The following USP54 variants were observed in gnomAD, a reference collection of about 807,000 sequenced individuals.
The protein encoded by USP54 is ubiquitin carboxyl-terminal hydrolase 54.
A neutral mutation model predicts 170.5 loss-of-function variants in USP54; 87 were observed. The observed-to-expected ratio is 0.51, with a 90% CI of 0.43 to 0.61. The LOEUF (loss-of-function observed/expected upper bound fraction) is 0.61. USP54 is among the 20% of genes least tolerant of loss of function. USP54 has a pLI of 0.00. For synonymous variants in USP54, 655 were observed against 742.8 expected (o/e 0.88, Z 1.92); for missense variants, 1,786 against 2,047.8 (o/e 0.87, Z 2.47).
Position 73,504,852 on chromosome 10 carries a change from A to T in USP54, c.4309T>A (p.Phe1437Ile), listed in dbSNP as rs547582379. The T allele has an allele frequency of 1.1e-5, 18 of 1,614,132 alleles. 1 individual carries two copies. The South Asian group carries it at 1.8e-4, about 16-fold the overall frequency. ...AGATGGACCCTGATTCTACTTACAA[A>T]ACTGTGGGAAGAAACCGGAGCTTCC... ...REEAPVSSHS[F>I]DSSNVRKPLE... Residue 1437 changes from phenylalanine (F) to isoleucine (I), a missense_variant and splice_region_variant, in exon 22 of 24, where the codon TTT (phenylalanine) becomes ATT (isoleucine). Phe to Ile is a conservative substitution (Grantham distance 21, BLOSUM62 0). Transcript: ENST00000687698.
upstream of USP54, among the ~76,000 whole-genome samples, chr10:73,595,494 C>G (rs1291880936): frequency 2.7e-5 from 4 of 150,482 alleles, no homozygotes; most frequent in Non-Finnish European, 2.9e-5. Context: ...GGCTGTTAAT[C>G]ACAGACCTGA....
chr10:73,536,218 T>C (rs2065183898), intron 11 of USP54, 51 bp downstream of exon 11: 2 of 1,600,626 alleles, frequency 1.2e-6, no homozygotes, highest in South Asian at 1.1e-5. Context: ...TCCCAACTGT[T>C]TGATCGCATG....
At chr10:73,543,511 C>A (rs184080778) in intron 5 of USP54, among the ~76,000 whole-genome samples, 2 of 151,610 alleles carry the variant, frequency 1.3e-5, no homozygotes, top group Non-Finnish European at 2.9e-5. Context: ...GGACTACAGG[C>A]GCCCGCCACC....
intron 1 of USP54, among the ~76,000 whole-genome samples, chr10:73,585,470 G>A (rs1246224002): frequency 1.3e-5 from 2 of 152,166 alleles, no homozygotes; most frequent in Non-Finnish European, 2.9e-5. Flanking sequence ...CACATGGCGA[G>A]AGAGACAAGG....
Position 73,555,336 on chromosome 10 carries a change from A to G in USP54, c.241-9664T>C, listed in dbSNP as rs1773118570. The stretch of plus-strand genomic sequence containing the variant: ...TACCAGTCTCTTTAAATTAAAGTCA[A>G]TTATCAATACCATATCACCTCATAA... On this transcript the variant is annotated intron_variant, in intron 4 of 23. Coordinates refer to ENST00000687698, the MANE Select transcript of USP54 (RefSeq NM_001391956.1). Among the ~76,000 whole-genome samples the G allele has an allele frequency of 1.3e-5, 2 of 152,320 alleles. 1 individual carries two copies. The highest frequency in any genetic ancestry group is 4.2e-4 in the South Asian group (2 of 4,818).
chr10:73,610,537 T>A (rs573378541), intron 1 of USP54, among the ~76,000 whole-genome samples: 1 of 151,992 alleles, frequency 6.6e-6, no homozygotes, highest in African/African-American at 2.4e-5. Context: ...AGTGGGAGAA[T>A]CGCTTGAACC....
At chr10:73,592,747 C>T (rs2078370739), upstream of USP54, among the ~76,000 whole-genome samples, 1 of 152,154 alleles carries the variant, frequency 6.6e-6, no homozygotes, top group Non-Finnish European at 1.5e-5. Flanking sequence ...AGAGCTTCAA[C>T]CCTGATTACA....
At chr10:73,603,845 C>T (rs180933112) in intron 1 of USP54, among the ~76,000 whole-genome samples, 26 of 151,786 alleles carry the variant, frequency 1.7e-4, no homozygotes, top group Non-Finnish European at 2.9e-5. Context: ...AAAGAAGATA[C>T]ACCAATGGCC....
chr10:73,535,023 T>C (rs772644967), intron 11 of USP54, among the ~76,000 whole-genome samples: 45 of 152,096 alleles, frequency 3.0e-4, no homozygotes, highest in Non-Finnish European at 4.7e-4. Flanking sequence ...TGTGAAAAAC[T>C]GTGAGGGTTT....
At chr10:73,587,972 G>A (rs1287420583) in intron 1 of USP54, among the ~76,000 whole-genome samples, 1 of 152,000 alleles carries the variant, frequency 6.6e-6, no homozygotes, top group African/African-American at 2.4e-5. Flanking sequence ...GAATACTTAG[G>A]GCCAGGTACA....
intron 22 of USP54, among the ~76,000 whole-genome samples, chr10:73,503,655 G>A (rs1358467191): frequency 6.6e-6 from 1 of 152,206 alleles, no homozygotes; most frequent in Non-Finnish European, 1.5e-5. Flanking sequence ...AAGAATGGCA[G>A]CCTGATCAGA....
intron 5 of USP54, 106 bp downstream of exon 5, chr10:73,545,432 T>C: frequency 7.1e-7 from 1 of 1,414,196 alleles, no homozygotes; most frequent in Non-Finnish European, 9.6e-7. Context: ...TAGTTCTAAC[T>C]GTAGAGATAA....
chr10:73,554,401 T>C (rs151247866), intron 4 of USP54, among the ~76,000 whole-genome samples: 19 of 152,310 alleles, frequency 1.2e-4, no homozygotes, highest in African/African-American at 3.8e-4. Context: ...TAGAACTTAA[T>C]TGGCCAGTCT....
At chr10:73,569,003 C>T (rs541848366) in intron 4 of USP54, among the ~76,000 whole-genome samples, 32 of 152,038 alleles carry the variant, frequency 2.1e-4, no homozygotes, top group Non-Finnish European at 4.3e-4. Flanking sequence ...CTCCAGAGTC[C>T]CACCCAGATC....
intron 1 of USP54, among the ~76,000 whole-genome samples, chr10:73,587,027 AC>A (rs1324784379): frequency 6.6e-6 from 1 of 152,246 alleles, no homozygotes. Context: ...ACAAAAAGGC[AC>A]GTTTCACTTT....
chr10:73,579,665 G>C (rs2076612042), intron 1 of USP54, among the ~76,000 whole-genome samples: 1 of 152,030 alleles, frequency 6.6e-6, no homozygotes, highest in African/African-American at 2.4e-5. Flanking sequence ...GCTGAGGCAG[G>C]AGAATCGCTT....
chr10:73,569,613 C>T (rs1315426756), intron 4 of USP54, among the ~76,000 whole-genome samples: 7 of 151,658 alleles, frequency 4.6e-5, no homozygotes, highest in Admixed American at 1.3e-4. Flanking sequence ...TTAGCTAGGG[C>T]GTGGTGGCAG....
intron 1 of USP54, among the ~76,000 whole-genome samples, chr10:73,616,034 C>T (rs971303902): frequency 2.7e-5 from 4 of 150,108 alleles, no homozygotes; most frequent in Non-Finnish European, 5.9e-5. Context: ...TGGCAAAACT[C>T]GTCTCTACTA....
intron 22 of USP54, among the ~76,000 whole-genome samples, chr10:73,503,305 C>G (rs2058503030): frequency 6.6e-6 from 1 of 152,204 alleles, no homozygotes. Flanking sequence ...CCCATAGGAT[C>G]AAATCCTTAA....
Sources: allele counts gnomAD v4.1 joint callset (sites outside exome capture counted in the v4.1 genomes callset), GRCh38; gene constraint gnomAD v4.1.1; transcripts MANE v1.5; gene names NCBI Gene and HGNC (gene_info 2026-07-23, HGNC 2026-07-21).